Variants in LIN7A observed in about 807,000 individuals in gnomAD.
The protein encoded by LIN7A is lin-7 cell polarity scaffold A.
A neutral mutation model predicts 29.8 loss-of-function variants in LIN7A; 25 were observed. The ratio of observed to expected loss-of-function variants is 0.84; its 90% CI spans 0.61 to 1.17. LIN7A has a LOEUF of 1.17. Ranked by LOEUF, LIN7A falls within the 50% of genes most tolerant of loss-of-function variation. The pLI is 0.00. For synonymous variants in LIN7A, 118 were observed against 107.5 expected, an observed-to-expected ratio of 1.10 and a Z score of -0.60; for missense variants, 239 against 287.0, an observed-to-expected ratio of 0.83 and a Z score of 1.21.
chr12:80,800,423 A>T (rs1215687696), intron 5 of LIN7A, among the ~76,000 whole-genome samples: 1 of 123,494 alleles, frequency 8.1e-6, no homozygotes, highest in Non-Finnish European at 1.6e-5. Flanking sequence ...CGGGAGGTGG[A>T]GGTTGCAGTG....
rs1410176465 is a variant in LIN7A, at chr12:80,795,602, C to G, written c.*2125G>C. ...TTATGACTAAGTGAAAACATACTCA[C>G]TCACCTTAAGCTCCAAATTTATACA... On this transcript the variant is annotated 3_prime_UTR_variant, in exon 6 of 6. Coordinates refer to ENST00000552864, the MANE Select transcript of LIN7A (RefSeq NM_004664.4). The G allele has an allele frequency of 6.6e-6, 1 of 152,072 alleles. No homozygotes were observed. Among genetic ancestry groups the G allele is most frequent in the Non-Finnish European group, 1.5e-5 (1 of 67,976 alleles). The allele number at this position is 152,072 out of a possible 1,614,324, so 9.4% of individuals were successfully genotyped here.
At chr12:80,824,011 GA>G (rs1291353960) in intron 4 of LIN7A, among the ~76,000 whole-genome samples, 1 of 151,868 alleles carries the variant, frequency 6.6e-6, no homozygotes, top group Non-Finnish European at 1.5e-5. Flanking sequence ...CAGAAGAAAA[GA>G]AATAACTAAG....
chr12:80,815,772 C>A (rs1476024598), intron 4 of LIN7A, among the ~76,000 whole-genome samples: 1 of 152,156 alleles, frequency 6.6e-6, no homozygotes, highest in Non-Finnish European at 1.5e-5. Context: ...TATCCCCTTG[C>A]TTTAAGAGTT....
At chr12:80,801,380 G>A (rs1042387035) in intron 5 of LIN7A, among the ~76,000 whole-genome samples, 8 of 152,180 alleles carry the variant, frequency 5.3e-5, no homozygotes, top group Non-Finnish European at 8.8e-5. Context: ...TTCCACTACC[G>A]CTACTCGTTT....
In LIN7A at chr12:80,793,311, A is replaced by G. The variant is rs189843957; in HGVS notation, c.*4416T>C. 4 of 152,354 alleles carry G rather than the reference A, an allele frequency of 2.6e-5. No individual in the cohort carries two copies. The East Asian group carries it at 7.7e-4, about 29-fold the overall frequency. The allele number at this position is 152,354 out of a possible 1,614,324, so 9.4% of individuals were successfully genotyped here. A position where few individuals can be genotyped will look rare whatever the true frequency, so the allele number is the denominator to read the frequency against. ...AGAGCTGCATAAATGTTAGTTATGAATAAATTACTTACCTACCTCACTGGG... is the reference window on the plus strand; with the variant it reads ...AGAGCTGCATAAATGTTAGTTATGAGTAAATTACTTACCTACCTCACTGGG... On this transcript the variant is annotated 3_prime_UTR_variant, in exon 6 of 6. Transcript: ENST00000552864.
rs185338441 is a variant in LIN7A at position 80,897,237 on chromosome 12, T to C, written c.83-7868A>G. Among the ~76,000 whole-genome samples, 58 of 152,292 alleles carry C rather than the reference T, an allele frequency of 3.8e-4. 2 individuals are homozygous for C. In the South Asian group the frequency reaches 6.0e-3, roughly 16 times the overall value. On this transcript the variant is annotated intron_variant, in intron 1 of 5. Transcript: ENST00000552864. ...CTTATTATTTGATGTCTTTCCTTTA[T>C]ATTTGATGTCTTTCCTTTTTTCTGT... is the stretch of plus-strand genomic sequence containing the variant.
At chr12:80,798,483 C>T (rs1870560832) in intron 5 of LIN7A, among the ~76,000 whole-genome samples, 1 of 152,164 alleles carries the variant, frequency 6.6e-6, no homozygotes. Flanking sequence ...CCCCTGGGGC[C>T]TACTGAGTGG....
intron 2 of LIN7A, among the ~76,000 whole-genome samples, chr12:80,874,893 C>T (rs568651383): frequency 4.6e-5 from 7 of 152,076 alleles, no homozygotes; most frequent in South Asian, 4.2e-4. Context: ...CTGAGGTACT[C>T]GGGAGGCTGA....
chr12:80,850,805 G>C (rs1362687071), intron 2 of LIN7A, among the ~76,000 whole-genome samples: 1 of 152,164 alleles, frequency 6.6e-6, no homozygotes, highest in East Asian at 1.9e-4. Context: ...AAAGGCTCTT[G>C]TAAAACATTC....
intron 1 of LIN7A, among the ~76,000 whole-genome samples, chr12:80,928,669 T>C (rs1044903863): frequency 6.6e-6 from 1 of 152,222 alleles, no homozygotes; most frequent in Non-Finnish European, 1.5e-5. Flanking sequence ...GATAGTTTCT[T>C]TTGCTGTTCA....
intron 2 of LIN7A, among the ~76,000 whole-genome samples, chr12:80,865,732 T>C (rs1051773127): frequency 6.6e-6 from 1 of 152,180 alleles, no homozygotes; most frequent in Admixed American, 6.5e-5. Flanking sequence ...ATTTAAGACA[T>C]TGCTATGTGA....
In LIN7A at chr12:80,796,403, C is replaced by A. The variant is rs1870450397; in HGVS notation, c.*1324G>T. On this transcript the variant is annotated 3_prime_UTR_variant, in exon 6 of 6. Transcript: ENST00000552864. The stretch of plus-strand genomic sequence containing the variant: ...AATCAGACTTAGGTGCCTAGATTTA[C>A]CATAAACCAAAAATTATGACCTGTA... The A allele has an allele frequency of 6.6e-6, 1 of 152,076 alleles. No individual in the cohort carries two copies. 9.4% of individuals were successfully genotyped at this position (152,076 alleles called of 1,614,324 possible). A position where few individuals can be genotyped will look rare whatever the true frequency, so the allele number is the denominator to read the frequency against.
intron 2 of LIN7A, among the ~76,000 whole-genome samples, chr12:80,870,734 T>C (rs1303988944): frequency 2.6e-5 from 4 of 152,190 alleles, no homozygotes; most frequent in Non-Finnish European, 4.4e-5. Context: ...GCCAAGACTA[T>C]CGCCAGACTA....
At chr12:80,915,597 C>A (rs1009135469) in intron 1 of LIN7A, among the ~76,000 whole-genome samples, 3 of 152,212 alleles carry the variant, frequency 2.0e-5, no homozygotes, top group African/African-American at 7.2e-5. Context: ...GCACTATTCA[C>A]AATAGCAGAC....
intron 1 of LIN7A, among the ~76,000 whole-genome samples, chr12:80,895,651 A>G (rs1022244058): frequency 3.3e-5 from 5 of 152,240 alleles, no homozygotes; most frequent in African/African-American, 4.8e-5. Context: ...AAGTTGTTTT[A>G]AGTGTAAAGT....
At chr12:80,929,945 G>C (rs1356012047) in intron 1 of LIN7A, among the ~76,000 whole-genome samples, 2 of 152,080 alleles carry the variant, frequency 1.3e-5, no homozygotes, top group Admixed American at 1.3e-4. Context: ...TTGTTAAATA[G>C]ACCCAGCTGT....
intron 4 of LIN7A, among the ~76,000 whole-genome samples, chr12:80,830,325 T>A (rs1872285561): frequency 1.3e-5 from 2 of 152,220 alleles, no homozygotes; most frequent in Admixed American, 1.3e-4. Context: ...TTATCATCTT[T>A]TAGCAATGAG....
intron 2 of LIN7A, among the ~76,000 whole-genome samples, chr12:80,864,358 G>GAA (rs149057356): frequency 6.8e-6 from 1 of 146,580 alleles, no homozygotes; most frequent in African/African-American, 2.5e-5. Flanking sequence ...CTTTATTGCT[G>GAA]AAAAAAAAAA....
chr12:80,847,177 GT>G (rs1471149587), intron 3 of LIN7A, among the ~76,000 whole-genome samples: 1 of 152,112 alleles, frequency 6.6e-6, no homozygotes. Context: ...AGAAAATACT[GT>G]GCTATTGCAA....
Sources: allele counts gnomAD v4.1 joint callset (sites outside exome capture counted in the v4.1 genomes callset), GRCh38; gene constraint gnomAD v4.1.1; transcripts MANE v1.5; gene names NCBI Gene and HGNC (gene_info 2026-07-23, HGNC 2026-07-21).